CAB39L: variants seen among roughly 807,000 people sequenced by gnomAD.
CAB39L encodes the protein calcium-binding protein 39-like.
In CAB39L, 23 loss-of-function variants were observed where a neutral mutation model predicts 39.1. The observed-to-expected ratio is 0.59, with a 90% CI of 0.42 to 0.83. The LOEUF (loss-of-function observed/expected upper bound fraction) is 0.83. CAB39L is among the 40% of genes least tolerant of loss of function. The probability of loss-of-function intolerance (pLI) is 0.00; values close to 1 mark genes in which losing one functional copy is unlikely to be tolerated. For synonymous variants in CAB39L, 126 were observed against 137.2 expected, an observed-to-expected ratio of 0.92 and a Z score of 0.57; for missense variants, 366 against 391.9, an observed-to-expected ratio of 0.93 and a Z score of 0.56.
At chr13:49,433,451 T>C (rs919829866) in intron 2 of CAB39L, 58 bp from the exon 3 acceptor site, 6 of 427,242 alleles carry the variant, frequency 1.4e-5, no homozygotes, top group Non-Finnish European at 2.7e-5. Context: ...AAATCCAACA[T>C]ATTTTCTTAT....
chr13:49,357,569 C>T (rs1400271440), intron 6 of CAB39L, among the ~76,000 whole-genome samples: 2 of 152,204 alleles, frequency 1.3e-5, no homozygotes, highest in African/African-American at 4.8e-5. Context: ...CTTTCTTTTT[C>T]TGTTCTACAT....
chr13:49,434,713 T>A (rs948251350), intron 1 of CAB39L, among the ~76,000 whole-genome samples: 6 of 151,972 alleles, frequency 3.9e-5, no homozygotes, highest in African/African-American at 7.2e-5. Context: ...TTAAAAAAAA[T>A]AAAAAATAAA....
chr13:49,341,930 C>A (rs1955020315), intron 8 of CAB39L, among the ~76,000 whole-genome samples: 1 of 152,182 alleles, frequency 6.6e-6, no homozygotes, highest in African/African-American at 2.4e-5. Flanking sequence ...CTAGTTGATT[C>A]TGTGGCTATT....
At position 49,310,389 on chromosome 13, in the gene CAB39L, T is replaced by A. The variant is rs1387986142; in HGVS notation, c.*425A>T. On this transcript the variant is annotated 3_prime_UTR_variant, in exon 11 of 11. Coordinates refer to ENST00000409308, the MANE Select transcript of CAB39L (RefSeq NM_001079670.3). ...AACGTTACCTTCTGGGATCTCTCAG[T>A]GCCCTGAGCGATCTGTGTGTCTACC... 6.2e-6 allele frequency: 1 copy of A among 160,472 alleles called. No homozygotes were observed. Among genetic ancestry groups the A allele is most frequent in the Non-Finnish European group, 1.4e-5 (1 of 72,980 alleles). 9.9% of individuals were successfully genotyped at this position (160,472 alleles called of 1,614,324 possible).
chr13:49,347,739 C>T (rs556157328), intron 7 of CAB39L, among the ~76,000 whole-genome samples: 5 of 152,116 alleles, frequency 3.3e-5, no homozygotes, highest in Non-Finnish European at 7.4e-5. Context: ...CAATTTTTGT[C>T]TTCCGGGGTG....
chr13:49,369,003 T>G (rs1174137138), intron 5 of CAB39L, among the ~76,000 whole-genome samples: 1 of 151,880 alleles, frequency 6.6e-6, no homozygotes, highest in Admixed American at 6.5e-5. Flanking sequence ...AGCAACGAAA[T>G]TAAAAAGGGG....
chr13:49,424,508 A>G (rs1957216613), intron 3 of CAB39L, among the ~76,000 whole-genome samples: 1 of 152,240 alleles, frequency 6.6e-6, no homozygotes, highest in Non-Finnish European at 1.5e-5. Context: ...GGAACAGAAA[A>G]GGCTCATTAG....
intron 6 of CAB39L, among the ~76,000 whole-genome samples, chr13:49,356,029 T>A (rs569859297): frequency 3.9e-5 from 6 of 152,102 alleles, no homozygotes. Flanking sequence ...AATGACAGAA[T>A]TCAAAATTAC....
chr13:49,357,053 A>G (rs148923105), intron 6 of CAB39L, among the ~76,000 whole-genome samples: 1 of 151,882 alleles, frequency 6.6e-6, no homozygotes, highest in East Asian at 1.9e-4. Flanking sequence ...CATCTCAAAA[A>G]AAAAAAAAAA....
chr13:49,435,372 C>A (rs887105873), intron 1 of CAB39L, among the ~76,000 whole-genome samples: 5 of 152,204 alleles, frequency 3.3e-5, no homozygotes, highest in Non-Finnish European at 5.9e-5. Context: ...GCTTATGTAT[C>A]CTTACCAGCA....
intron 3 of CAB39L, among the ~76,000 whole-genome samples, chr13:49,425,606 T>G (rs990281451): frequency 1.3e-5 from 2 of 152,170 alleles, no homozygotes; most frequent in African/African-American, 4.8e-5. Context: ...TATTTACTAT[T>G]TGGCTTTTTA....
chr13:49,434,017 A>G (rs1957368522), intron 2 of CAB39L, 69 bp downstream of exon 2: 6 of 344,842 alleles, frequency 1.7e-5, no homozygotes, highest in Non-Finnish European at 3.4e-5. Context: ...ATTTCTGTAA[A>G]ATCTATCTCC....
Position 49,309,030 on chromosome 13 carries a change from C to A in CAB39L, c.*1784G>T, listed in dbSNP as rs1953914023. 1 of 152,218 alleles carries A rather than the reference C, an allele frequency of 6.6e-6. No individual in the cohort carries two copies. The highest frequency in any genetic ancestry group is 2.4e-5 in the African/African-American group (1 of 41,472). 9.4% of individuals were successfully genotyped at this position (152,218 alleles called of 1,614,324 possible). The stretch of plus-strand genomic sequence containing the variant: ...TGGAACAGTATTAAGTAACCAAATA[C>A]AATTCCAATGGTTATTTCACCTTCA... On this transcript the variant is annotated 3_prime_UTR_variant, in exon 11 of 11. Coordinates refer to ENST00000409308, the MANE Select transcript of CAB39L (RefSeq NM_001079670.3).
intron 8 of CAB39L, among the ~76,000 whole-genome samples, chr13:49,340,120 T>A (rs1954962149): frequency 6.6e-6 from 1 of 152,232 alleles, no homozygotes; most frequent in Non-Finnish European, 1.5e-5. Flanking sequence ...AAGGCTTCAC[T>A]TGGCAAGCCA....
rs59217245 is a variant in CAB39L at position 49,348,968 on chromosome 13, C to T, written c.564+1776G>A. On this transcript the variant is annotated intron_variant, in intron 7 of 10. Coordinates refer to ENST00000409308, the MANE Select transcript of CAB39L (RefSeq NM_001079670.3). ...CTCCCTAAGTCCCAGCTTCCTTCTG[C>T]CCCACTGACATCTCCTACCCTTTAC... Among the ~76,000 whole-genome samples the T allele has an allele frequency of 8.0e-3, 1,220 of 152,298 alleles. 11 individuals carry two copies. Among genetic ancestry groups the T allele is most frequent in the African/African-American group, 0.023 (943 of 41,552 alleles).
intron 3 of CAB39L, among the ~76,000 whole-genome samples, chr13:49,426,849 C>T (rs1410098260): frequency 6.6e-6 from 1 of 152,182 alleles, no homozygotes; most frequent in African/African-American, 2.4e-5. Flanking sequence ...TTGTTTCTCT[C>T]TTGTTCATCT....
chr13:49,408,185 G>A (rs1416377154), intron 3 of CAB39L, among the ~76,000 whole-genome samples: 2 of 152,162 alleles, frequency 1.3e-5, no homozygotes, highest in Non-Finnish European at 2.9e-5. Flanking sequence ...ATAGAGAATA[G>A]GTTTGGCAAC....
intron 6 of CAB39L, among the ~76,000 whole-genome samples, chr13:49,352,815 T>C (rs1385066290): frequency 1.3e-5 from 2 of 152,210 alleles, no homozygotes; most frequent in African/African-American, 4.8e-5. Flanking sequence ...AACTGAATAC[T>C]AGTTTTTATG....
chr13:49,339,161 G>A (rs1288119558), intron 9 of CAB39L, among the ~76,000 whole-genome samples: 8 of 118,578 alleles, frequency 6.7e-5, no homozygotes, highest in African/African-American at 1.4e-4. Flanking sequence ...ATGGAGTTCC[G>A]CTCTTGTTGC....
Sources: gnomAD v4.1 joint callset for allele counts (sites outside exome capture counted in the v4.1 genomes callset) on GRCh38, gnomAD v4.1.1 for gene constraint, MANE v1.5 for transcripts, NCBI Gene and HGNC (gene_info 2026-07-23, HGNC 2026-07-21) for gene names.